Variants in CHD1L observed in about 807,000 individuals in gnomAD.
CHD1L encodes chromodomain helicase DNA binding protein 1 like, also known as ATP-dependent chromatin remodeler CHD1L.
In CHD1L, 118 loss-of-function variants were observed where a neutral mutation model predicts 115.9. That is an observed-to-expected ratio of 1.02 (90% CI 0.88 to 1.19). CHD1L has a LOEUF of 1.19. Among genes scored for constraint, CHD1L ranks in the 50% most tolerant of loss-of-function variants. The probability of loss-of-function intolerance (pLI) is 0.00; values close to 1 mark genes in which losing one functional copy is unlikely to be tolerated. For synonymous variants in CHD1L, 411 were observed against 387.1 expected, an observed-to-expected ratio of 1.06 and a Z score of -0.72; for missense variants, 1,179 against 1,065.3, an observed-to-expected ratio of 1.11 and a Z score of -1.49.
chr1:147,228,602 T>C, the CHD1L span, among the ~76,000 whole-genome samples: 2 of 151,724 alleles, frequency 1.3e-5, no homozygotes, highest in Admixed American at 1.3e-4. Flanking sequence ...TCCACAATGG[T>C]TGAACTAGTT....
Position 147,254,919 on chromosome 1 carries a change from C to A in CHD1L, c.290C>A (p.Pro97Gln), listed in dbSNP as rs782712681. Residue 97 changes from proline (P) to glutamine (Q), a missense_variant, in exon 3 of 23, where the codon CCA (proline) becomes CAA (glutamine). Physicochemically the swap from Pro to Gln is moderately conservative, Grantham distance 76. Coordinates refer to ENST00000369258, the MANE Select transcript of CHD1L (RefSeq NM_004284.6). ...YLAGRLNDEG[P>Q]FLILCPLSVL... ...GCAGGAAGATTAAATGATGAAGGGCCATTTCTGATTCTTTGTCCCTTGTCT... is the reference window on the plus strand; with the variant it reads ...GCAGGAAGATTAAATGATGAAGGGCAATTTCTGATTCTTTGTCCCTTGTCT... 6.2e-7 allele frequency: 1 copy of A among 1,611,534 alleles called. No homozygotes were observed. Among genetic ancestry groups the A allele is most frequent in the East Asian group, 2.2e-5 (1 of 44,730 alleles).
At chr1:147,291,423 G>A in intron 19 of CHD1L, 59 bp from the exon 20 acceptor site, 1 of 1,362,610 alleles carries the variant, frequency 7.3e-7, no homozygotes, top group Non-Finnish European at 1.1e-6. Context: ...GATACGAGGA[G>A]GATTCATTCA....
chr1:147,288,341 AAAAAAG>A (rs1684176410), intron 19 of CHD1L, among the ~76,000 whole-genome samples: 6 of 3,800 alleles, frequency 1.6e-3, no homozygotes, highest in East Asian at 0.029. Flanking sequence ...AAAAAAAAAA[AAAAAAG>A]AAAAAGAGAA....
At position 147,268,813 on chromosome 1, in the gene CHD1L, C is replaced by A. The variant is rs369233757; in HGVS notation, c.1020C>A (p.Asp340Glu). 6.2e-6 allele frequency: 10 copies of A among 1,613,576 alleles called. No homozygotes were observed. The African/African-American group carries it at 1.3e-4, about 22-fold the overall frequency. Residue 340 changes from aspartate (D) to glutamate (E), a missense_variant, in exon 10 of 23, where the codon GAC becomes GAA. Transcript: ENST00000369258. Reference sequence around the variant, plus strand: ...AGCCGGAGCCTTTTGAAGTTGGAGACCACCTGACTGAGGCTAGTGGGAAGC... The same window carrying A: ...AGCCGGAGCCTTTTGAAGTTGGAGAACACCTGACTGAGGCTAGTGGGAAGC... ...GVEPEPFEVG[D>E]HLTEASGKLH...
chr1:147,256,503 T>C (rs587705069), intron 4 of CHD1L, 28 bp from the exon 5 acceptor site: 1 of 1,607,036 alleles, frequency 6.2e-7, no homozygotes, highest in East Asian at 2.2e-5. Flanking sequence ...AATGCCAGCC[T>C]TTATAACGTG....
At chr1:147,205,824 C>A in the CHD1L span, among the ~76,000 whole-genome samples, 1 of 152,092 alleles carries the variant, frequency 6.6e-6, no homozygotes. Flanking sequence ...TAGAAGAAAA[C>A]CTAGGCAATA....
the CHD1L span, among the ~76,000 whole-genome samples, chr1:147,194,994 G>C: frequency 6.6e-6 from 1 of 151,782 alleles, no homozygotes; most frequent in East Asian, 1.9e-4. Flanking sequence ...TCTTGGAGTT[G>C]CTCTTCTTGA....
intron 6 of CHD1L, among the ~76,000 whole-genome samples, chr1:147,261,797 A>C (rs1672030342): frequency 6.6e-6 from 1 of 152,208 alleles, no homozygotes; most frequent in Non-Finnish European, 1.5e-5. Flanking sequence ...CTTGGGTTGC[A>C]GATAACTAGT....
the CHD1L span, among the ~76,000 whole-genome samples, chr1:147,180,456 C>G: frequency 6.6e-6 from 1 of 152,048 alleles, no homozygotes; most frequent in Non-Finnish European, 1.5e-5. Flanking sequence ...CACGCCTAGT[C>G]AATCTTTGTA....
chr1:147,243,520 C>T (rs782436074), intron 1 of CHD1L, among the ~76,000 whole-genome samples: 6 of 152,152 alleles, frequency 3.9e-5, no homozygotes, highest in Non-Finnish European at 7.4e-5. Flanking sequence ...GCGAACCTTG[C>T]ATGCCCCCCA....
At chr1:147,286,773 G>A (rs587730219) in intron 18 of CHD1L, among the ~76,000 whole-genome samples, 3 of 152,198 alleles carry the variant, frequency 2.0e-5, no homozygotes, top group South Asian at 4.1e-4. Context: ...TTTTTAAGAG[G>A]GTGAAATGAA....
In CHD1L at chr1:147,272,078, C is replaced by G. The variant is rs1168562222; in HGVS notation, c.1160-93C>G. On this transcript the variant is annotated intron_variant, in intron 11 of 22. Coordinates refer to ENST00000369258, the MANE Select transcript of CHD1L (RefSeq NM_004284.6). The stretch of plus-strand genomic sequence containing the variant: ...GGCTGTGCCTGTATATGGAAAGGGA[C>G]AAAATTGGCCTTTGGTTTTGGGCTT... 12 of 991,968 alleles carry G rather than the reference C, an allele frequency of 1.2e-5. No individual in the cohort carries two copies. The African/African-American group carries it at 1.8e-4, about 15-fold the overall frequency. The allele number at this position is 991,968 out of a possible 1,614,324, so 61.4% of individuals were successfully genotyped here. A position where few individuals can be genotyped will look rare whatever the true frequency, so the allele number is the denominator to read the frequency against.
chr1:147,212,613 G>T, the CHD1L span: 1 of 1,336,162 alleles, frequency 7.5e-7, no homozygotes, highest in Non-Finnish European at 1.0e-6. Flanking sequence ...TGTTTTTTTT[G>T]CAGACTTAAG....
chr1:147,178,617 C>T, the CHD1L span: 1 of 1,596,104 alleles, frequency 6.3e-7, no homozygotes, highest in East Asian at 2.2e-5. Flanking sequence ...GTGAAGCTCA[C>T]TCCGAGTTCC....
Position 147,268,780 on chromosome 1 carries a change from A to G in CHD1L, c.989-2A>G. 1 of 1,611,136 alleles carries G rather than the reference A, an allele frequency of 6.2e-7. No homozygotes were observed. The highest frequency in any genetic ancestry group is 8.5e-7 in the Non-Finnish European group (1 of 1,178,592). ...ACTGGGAGTGGGTTCTTTCTTTTCT[A>G]GGTGTGGAGCCGGAGCCTTTTGAAG... On this transcript the variant is annotated splice_acceptor_variant, in intron 9 of 22. Coordinates refer to ENST00000369258, the MANE Select transcript of CHD1L (RefSeq NM_004284.6). LOFTEE classifies it high-confidence loss of function.
intron 22 of CHD1L, 96 bp from the exon 23 acceptor site, chr1:147,295,335 C>T (rs587729090): frequency 1.3e-4 from 102 of 811,468 alleles, no homozygotes; most frequent in African/African-American, 1.2e-3. Context: ...CATACTACTT[C>T]TAGAACAGTT....
intron 19 of CHD1L, among the ~76,000 whole-genome samples, chr1:147,289,416 G>A (rs782265279): frequency 1.8e-4 from 28 of 152,310 alleles, no homozygotes; most frequent in Non-Finnish European, 2.2e-4. Flanking sequence ...AGAAGTTCAT[G>A]GTATTAGACA....
At chr1:147,248,805 G>A (rs1667454549) in intron 1 of CHD1L, among the ~76,000 whole-genome samples, 1 of 152,072 alleles carries the variant, frequency 6.6e-6, no homozygotes, top group Non-Finnish European at 1.5e-5. Context: ...ACTTATTTGA[G>A]TAAAGTATGG....
chr1:147,242,890 C>A, intron 1 of CHD1L, 60 bp downstream of exon 1: 1 of 1,243,632 alleles, frequency 8.0e-7, no homozygotes, highest in Admixed American at 4.2e-5. Context: ...CTGCCTCTTG[C>A]GGGCCGGGGG....
Sources: allele counts gnomAD v4.1 joint callset (sites outside exome capture counted in the v4.1 genomes callset), GRCh38; gene constraint gnomAD v4.1.1; transcripts MANE v1.5; gene names NCBI Gene and HGNC (gene_info 2026-07-23, HGNC 2026-07-21).